The following PCDHGB4 variants were observed in gnomAD, a reference collection of about 807,000 sequenced individuals.
The protein encoded by PCDHGB4 is protocadherin gamma subfamily B, 4.
A neutral mutation model predicts 60.5 loss-of-function variants in PCDHGB4; 38 were observed. The observed-to-expected ratio is 0.63, with a 90% CI of 0.48 to 0.82. The LOEUF (loss-of-function observed/expected upper bound fraction) is 0.82, where lower values mean the gene tolerates loss of function less well. Among genes scored for constraint, PCDHGB4 ranks in the 40% least tolerant of loss-of-function variants. The pLI, the probability that PCDHGB4 is intolerant of heterozygous loss-of-function variation, is 0.00. For synonymous variants in PCDHGB4, 456 were observed against 509.7 expected (o/e 0.89, Z 1.42); for missense variants, 1,109 against 1,209.6 (o/e 0.92, Z 1.23).
chr5:141,431,502 G>A lies in PCDHGB4; in HGVS notation c.2397+41221G>A, dbSNP rs749812839. ...CCAGCGTTTGCTCAGCCCGAGTACC[G>A]CGCGAGCGTTCCGGAGAATCTGGCC... On this transcript the variant is annotated intron_variant, in intron 1 of 3. Coordinates refer to ENST00000519479, the MANE Select transcript of PCDHGB4 (RefSeq NM_003736.4). This position sits in a 1 kb window ranked among gnomAD's most constrained non-coding sequence, Gnocchi z 4.8. 6 of 1,614,008 alleles carry A rather than the reference G, an allele frequency of 3.7e-6. No homozygotes were observed. In the East Asian group the frequency reaches 6.7e-5, roughly 18 times the overall value.
At chr5:141,422,394 C>T (rs898242724) in intron 1 of PCDHGB4, 1 of 1,595,520 alleles carries the variant, frequency 6.3e-7, no homozygotes, top group Non-Finnish European at 8.5e-7. Context: ...TTATTCCTAA[C>T]CACCTGCCTT....
intron 1 of PCDHGB4, chr5:141,404,489 G>C: frequency 6.2e-7 from 1 of 1,613,796 alleles, no homozygotes; most frequent in Non-Finnish European, 8.5e-7. Flanking sequence ...AGACACTGGT[G>C]TGCTGTATGC....
chr5:141,481,167 A>C (rs77180710), intron 1 of PCDHGB4, among the ~76,000 whole-genome samples: 2,577 of 152,328 alleles, frequency 0.017, 78 homozygotes, highest in African/African-American at 0.059. Flanking sequence ...GCAGAACCAG[A>C]ATCCAGCTTT....
chr5:141,403,315 A>C, intron 1 of PCDHGB4: 1 of 1,613,974 alleles, frequency 6.2e-7, no homozygotes, highest in African/African-American at 1.3e-5. Flanking sequence ...GAATAGAAAT[A>C]GAAGTAACTG....
chr5:141,393,851 A>T (rs758721118), intron 1 of PCDHGB4: 2 of 1,613,988 alleles, frequency 1.2e-6, no homozygotes, highest in Non-Finnish European at 1.7e-6. Context: ...ATAGACCAGA[A>T]GTGATCATTA....
chr5:141,429,955 A>G (rs971940539), intron 1 of PCDHGB4, among the ~76,000 whole-genome samples: 1 of 152,202 alleles, frequency 6.6e-6, no homozygotes, highest in Non-Finnish European at 1.5e-5. Context: ...TTTCCAGTCA[A>G]TGCAAGTTGG....
intron 1 of PCDHGB4, among the ~76,000 whole-genome samples, chr5:141,442,888 GCTTATCA>G (rs776180931): frequency 8.5e-5 from 13 of 152,204 alleles, no homozygotes; most frequent in Non-Finnish European, 1.8e-4. Flanking sequence ...CAGAATCCCT[GCTTATCA>G]CTTCTCCTTC....
chr5:141,457,264 C>T (rs2098915249), intron 1 of PCDHGB4, among the ~76,000 whole-genome samples: 1 of 152,142 alleles, frequency 6.6e-6, no homozygotes, highest in South Asian at 2.1e-4. Flanking sequence ...ATAGAATTCC[C>T]CTCTGTGGGC....
chr5:141,484,277 G>T (rs1026083889), intron 1 of PCDHGB4, among the ~76,000 whole-genome samples: 1 of 152,126 alleles, frequency 6.6e-6, no homozygotes, highest in South Asian at 2.1e-4. Context: ...TTACTGTTTT[G>T]AAACATCTCC....
At chr5:141,410,914 C>T (rs1399369063) in intron 1 of PCDHGB4, 4 of 246,122 alleles carry the variant, frequency 1.6e-5, no homozygotes, top group Admixed American at 6.8e-5. Context: ...AGTGCAGTGG[C>T]GTGATCTCTG....
intron 1 of PCDHGB4, chr5:141,415,732 T>G (rs1159160519): frequency 5.0e-6 from 7 of 1,411,138 alleles, no homozygotes; most frequent in Non-Finnish European, 6.5e-6. Context: ...AATTTGATGT[T>G]TATTAAGGTT....
chr5:141,415,026 G>T, intron 1 of PCDHGB4: 2 of 1,613,590 alleles, frequency 1.2e-6, no homozygotes, highest in Non-Finnish European at 1.7e-6. Context: ...AGGCCAGCGA[G>T]CCGGGACTCT....
At chr5:141,398,392 A>AGG in intron 1 of PCDHGB4, 1 of 1,456,392 alleles carries the variant, frequency 6.9e-7, no homozygotes, top group Non-Finnish European at 9.5e-7. Flanking sequence ...TGTGAGCAGC[A>AGG]GGCTAGACAG....
Position 141,491,382 on chromosome 5 carries a change from G to T in PCDHGB4, c.2398-3425G>T, listed in dbSNP as rs918558. 0.21 allele frequency: 331,798 copies of T among 1,613,774 alleles called. 36,318 individuals are homozygous for T. The highest frequency in any genetic ancestry group is 0.37 in the Admixed American group (22,359 of 60,012). ...TAGTCACCTTCACCTTTCTGTCAGC[G>T]AAGTGCCTTCAGGGAAACGCAGACG... is the stretch of plus-strand genomic sequence containing the variant. On this transcript the variant is annotated intron_variant, in intron 1 of 3. Transcript: ENST00000519479. This position sits in a 1 kb window ranked among gnomAD's most constrained non-coding sequence, Gnocchi z 6.9.
chr5:141,497,614 A>G (rs1377740795), intron 2 of PCDHGB4, among the ~76,000 whole-genome samples: 1 of 146,530 alleles, frequency 6.8e-6, no homozygotes, highest in Admixed American at 7.0e-5. Context: ...ATCTTGGCTC[A>G]CTGCAACCTC....
At chr5:141,394,769 C>A in intron 1 of PCDHGB4, 1 of 1,613,514 alleles carries the variant, frequency 6.2e-7, no homozygotes, top group African/African-American at 1.3e-5. Context: ...ATGGCCAGCC[C>A]CCTCTCTCCG....
chr5:141,491,438 G>T lies in PCDHGB4; in HGVS notation c.2398-3369G>T, dbSNP rs376927300. 3.7e-6 allele frequency: 6 copies of T among 1,613,948 alleles called. No homozygotes were observed. The African/African-American group carries it at 4.0e-5, about 11-fold the overall frequency. ...GGGGGTGGAGGGCAGTGCTGCAGGCGCCAGGACTCACCCTCCCCGGACTTC... is the reference window on the plus strand; with the variant it reads ...GGGGGTGGAGGGCAGTGCTGCAGGCTCCAGGACTCACCCTCCCCGGACTTC... On this transcript the variant is annotated intron_variant, in intron 1 of 3. Transcript: ENST00000519479. The surrounding 1 kb of genome is among the most constrained non-coding windows in gnomAD (Gnocchi z 6.9).
intron 1 of PCDHGB4, among the ~76,000 whole-genome samples, chr5:141,438,139 T>C (rs2097931816): frequency 6.6e-6 from 1 of 152,152 alleles, no homozygotes. Context: ...TGGCAAAAGA[T>C]AGCCAGCCTA....
chr5:141,455,377 CAGAA>C (rs2098820699), intron 1 of PCDHGB4, among the ~76,000 whole-genome samples: 1 of 151,970 alleles, frequency 6.6e-6, no homozygotes, highest in Admixed American at 6.6e-5. Flanking sequence ...AGGGAGAAGA[CAGAA>C]GGAAGGAGCT....
Sources: allele counts gnomAD v4.1 joint callset (sites outside exome capture counted in the v4.1 genomes callset), GRCh38; gene constraint gnomAD v4.1.1; non-coding constraint Gnocchi (gnomAD v3.1); transcripts MANE v1.5; gene names NCBI Gene and HGNC (gene_info 2026-07-23, HGNC 2026-07-21).